The following SPEF2 variants were observed in gnomAD, a reference collection of about 807,000 sequenced individuals.
SPEF2 encodes sperm flagellar and cilia associated 2, also known as sperm flagella and cilia-associated protein 2.
A neutral mutation model predicts 224.6 loss-of-function variants in SPEF2; 187 were observed. That is an observed-to-expected ratio of 0.83 (90% CI 0.74 to 0.94). The LOEUF (loss-of-function observed/expected upper bound fraction) is 0.94. Ranked by LOEUF, SPEF2 falls within the 40% of genes least tolerant of loss-of-function variation. The pLI is 0.00. For missense variants in SPEF2, 2,170 were observed against 2,135.6 expected, an observed-to-expected ratio of 1.02 and a Z score of -0.32; for synonymous variants, 715 against 707.3, an observed-to-expected ratio of 1.01 and a Z score of -0.17.
At chr5:35,761,258 T>G (rs1169144878) in intron 25 of SPEF2, among the ~76,000 whole-genome samples, 1 of 152,182 alleles carries the variant, frequency 6.6e-6, no homozygotes, top group African/African-American at 2.4e-5. Context: ...GACAATTTAT[T>G]TGTTGTCAAG....
chr5:35,785,636 AC>A (rs371386037), intron 30 of SPEF2, among the ~76,000 whole-genome samples: 7,141 of 145,834 alleles, frequency 0.049, 474 homozygotes, highest in African/African-American at 0.15. Flanking sequence ...CCTCAGCACA[AC>A]CCCCCCCCAC....
intron 1 of SPEF2, among the ~76,000 whole-genome samples, chr5:35,623,175 G>A (rs144935954): frequency 6.6e-6 from 1 of 152,200 alleles, no homozygotes; most frequent in African/African-American, 2.4e-5. Context: ...AGGAAGTGGT[G>A]CCTTGCTGTG....
chr5:35,811,666 T>C (rs1494572), intron 36 of SPEF2, among the ~76,000 whole-genome samples: 77,440 of 151,470 alleles, frequency 0.51, 22,482 homozygotes, highest in African/African-American at 0.8. Context: ...ATATAAAGTG[T>C]TTAACTCAGT....
chr5:35,770,771 A>G (rs1752723976), intron 26 of SPEF2, among the ~76,000 whole-genome samples: 1 of 152,180 alleles, frequency 6.6e-6, no homozygotes, highest in Non-Finnish European at 1.5e-5. Context: ...GTGGGAAAGG[A>G]CAGAGCTTCT....
intron 21 of SPEF2, among the ~76,000 whole-genome samples, chr5:35,728,383 A>T (rs1745045872): frequency 6.6e-6 from 1 of 152,214 alleles, no homozygotes; most frequent in South Asian, 2.1e-4. Flanking sequence ...GCCATCTACT[A>T]TTTTTAGTTG....
intron 11 of SPEF2, among the ~76,000 whole-genome samples, chr5:35,691,506 G>T (rs1754477166): frequency 6.6e-6 from 1 of 152,130 alleles, no homozygotes; most frequent in Non-Finnish European, 1.5e-5. Context: ...AGACACAAAA[G>T]GTCACATAGT....
intron 3 of SPEF2, among the ~76,000 whole-genome samples, chr5:35,643,067 G>T (rs192048767): frequency 6.6e-6 from 1 of 152,258 alleles, no homozygotes; most frequent in African/African-American, 2.4e-5. Flanking sequence ...TGTTTTTGTA[G>T]CTTCAAGAAA....
intron 7 of SPEF2, among the ~76,000 whole-genome samples, 164 bp downstream of exon 7, chr5:35,654,890 G>A (rs1748748985): frequency 6.6e-6 from 1 of 151,618 alleles, no homozygotes; most frequent in Admixed American, 6.6e-5. Flanking sequence ...AAGAAAAGTA[G>A]CTATTTACTA....
chr5:35,682,513 C>G (rs1398959827), intron 10 of SPEF2, among the ~76,000 whole-genome samples: 2 of 152,030 alleles, frequency 1.3e-5, no homozygotes, highest in African/African-American at 4.8e-5. Flanking sequence ...TAGAACATAC[C>G]AAATTGGGAA....
At chr5:35,627,885 T>C (rs1174668696) in intron 1 of SPEF2, among the ~76,000 whole-genome samples, 1 of 152,140 alleles carries the variant, frequency 6.6e-6, no homozygotes, top group Non-Finnish European at 1.5e-5. Context: ...CTGGGCTATC[T>C]CTCAGTAATT....
At chr5:35,708,703 A>ACCATCATCACCTCTATCT (rs1740481359) in intron 18 of SPEF2, among the ~76,000 whole-genome samples, 2 of 150,542 alleles carry the variant, frequency 1.3e-5, no homozygotes, top group African/African-American at 4.9e-5. Flanking sequence ...CACCATCACC[A>ACCATCATCACCTCTATCT]CCACTACCCA....
At chr5:35,739,154 A>G (rs370549825) in intron 21 of SPEF2, among the ~76,000 whole-genome samples, 8 of 152,156 alleles carry the variant, frequency 5.3e-5, no homozygotes, top group Admixed American at 1.3e-4. Context: ...TTTTTTCATA[A>G]TATGTATTTT....
intron 36 of SPEF2, chr5:35,807,755 C>A (rs1051483530): frequency 2.0e-6 from 3 of 1,535,868 alleles, no homozygotes; most frequent in Admixed American, 2.0e-5. Context: ...AGAAACTGGA[C>A]AAACCCAGCA....
intron 19 of SPEF2, chr5:35,710,755 C>A: frequency 1.0e-6 from 1 of 985,142 alleles, no homozygotes; most frequent in Non-Finnish European, 1.2e-6. Flanking sequence ...ATCAGACCAG[C>A]TCAGTCTTTA....
chr5:35,667,914 C>G (rs1750729544), intron 9 of SPEF2, among the ~76,000 whole-genome samples: 1 of 152,024 alleles, frequency 6.6e-6, no homozygotes, highest in South Asian at 2.1e-4. Flanking sequence ...TAAAAAAATT[C>G]ACCCTTGTTA....
Position 35,717,419 on chromosome 5 carries a change from G to A in SPEF2, c.2914+4533G>A, listed in dbSNP as rs534487203. On this transcript the variant is annotated intron_variant, in intron 20 of 36. Transcript: ENST00000356031. ...TGCTTGCCTTCTGATTTGTCTTACA[G>A]GGTCAATTATTGTAGGTGCTACCAA... Among the ~76,000 whole-genome samples, 12 of 152,250 alleles carry A rather than the reference G, an allele frequency of 7.9e-5. No homozygotes were observed. In the East Asian group the frequency reaches 1.9e-3, roughly 25 times the overall value.
At chr5:35,695,660 T>C (rs529073189) in intron 13 of SPEF2, 75 bp from the exon 14 acceptor site, 12 of 1,223,386 alleles carry the variant, frequency 9.8e-6, no homozygotes, top group East Asian at 2.5e-5. Context: ...TCCAAAACCA[T>C]AGATGGTCAA....
In SPEF2 at chr5:35,713,743, ATATATTT is replaced by A. The variant is rs1561246559; in HGVS notation, c.2914+863_2914+869del. Among the ~76,000 whole-genome samples, 176 of 35,214 alleles carry A rather than the reference ATATATTT, an allele frequency of 5.0e-3. 13 individuals are homozygous for A. The East Asian group carries it at 0.069, about 14-fold the overall frequency. 23.1% of individuals were successfully genotyped at this position (35,214 alleles called of 152,430 possible). ...ACAGACTCTGTCTCAAAATATATAT[ATATATTT>A]TATATATATTTTATATATAGTATAT... On this transcript the variant is annotated intron_variant, in intron 20 of 36. Coordinates refer to ENST00000356031, the MANE Select transcript of SPEF2 (RefSeq NM_024867.4).
rs376208420 is a variant in SPEF2, at chr5:35,677,184, CAA to C, written c.1524+6960_1524+6961del. On this transcript the variant is annotated intron_variant, in intron 10 of 36. Transcript: ENST00000356031. ...TTTGTGACACCAGAGAAATTCCAAC[CAA>C]AAGTGTCTTTCTTACTATCCCTGGC... 1.7e-3 allele frequency among the ~76,000 whole-genome samples: 253 copies of C among 152,212 alleles called. 1 individual carries two copies. The highest frequency in any genetic ancestry group is 5.8e-3 in the African/African-American group (241 of 41,538).
Sources: gnomAD v4.1 joint callset for allele counts (sites outside exome capture counted in the v4.1 genomes callset) on GRCh38, gnomAD v4.1.1 for gene constraint, MANE v1.5 for transcripts, NCBI Gene and HGNC (gene_info 2026-07-23, HGNC 2026-07-21) for gene names.